MAPK10: variants seen among roughly 807,000 people sequenced by gnomAD.
The protein encoded by MAPK10 is JNK3 alpha protein kinase.
In MAPK10, 25 loss-of-function variants were observed where a neutral mutation model predicts 59.3. The observed-to-expected ratio is 0.42, with a 90% CI of 0.31 to 0.59. The LOEUF is 0.59. Ranked by LOEUF, MAPK10 falls within the 20% of genes least tolerant of loss-of-function variation. The probability of loss-of-function intolerance (pLI) is 0.15; values close to 1 mark genes in which losing one functional copy is unlikely to be tolerated. For missense variants in MAPK10, 351 were observed against 568.9 expected (o/e 0.62, Z 3.90); for synonymous variants, 190 against 200.5 (o/e 0.95, Z 0.44).
At chr4:86,461,818 C>T (rs1579301192) in intron 1 of MAPK10, among the ~76,000 whole-genome samples, 1 of 152,262 alleles carries the variant, frequency 6.6e-6, no homozygotes, top group African/African-American at 2.4e-5. Flanking sequence ...GTAGTTGCCC[C>T]AGTAACTGTT....
chr4:86,161,222 T>A (rs1363251203), intron 3 of MAPK10, among the ~76,000 whole-genome samples: 2 of 152,054 alleles, frequency 1.3e-5, no homozygotes, highest in East Asian at 3.8e-4. Context: ...AATTAAGTGA[T>A]CTGCAAATGC....
At chr4:86,233,059 TGAA>T (rs2091807251) in intron 2 of MAPK10, among the ~76,000 whole-genome samples, 1 of 152,184 alleles carries the variant, frequency 6.6e-6, no homozygotes, top group Admixed American at 6.5e-5. Flanking sequence ...ATAAAATATA[TGAA>T]GCAGTGACTA....
intron 1 of MAPK10, among the ~76,000 whole-genome samples, chr4:86,513,356 C>T (rs1756424382): frequency 6.6e-6 from 1 of 152,126 alleles, no homozygotes; most frequent in Admixed American, 6.5e-5. Flanking sequence ...GCAAGGAGAT[C>T]CTTTAGTCCA....
At chr4:86,067,161 C>G (rs1426416807) in intron 10 of MAPK10, among the ~76,000 whole-genome samples, 3 of 152,064 alleles carry the variant, frequency 2.0e-5, no homozygotes, top group African/African-American at 7.2e-5. Context: ...TTTTTTGAGA[C>G]GGAGTCTTGC....
Position 86,390,193 on chromosome 4 carries a change from T to C in MAPK10, c.-121-35549A>G, listed in dbSNP as rs574812733. Among the ~76,000 whole-genome samples the C allele has an allele frequency of 5.3e-5, 8 of 152,354 alleles. No homozygotes were observed. The East Asian group carries it at 1.2e-3, about 22-fold the overall frequency. On this transcript the variant is annotated intron_variant, in intron 1 of 13. Transcript: ENST00000361569. ...CTTATTTCACAGTTTAGGTATTATATTGATTCTTTAAAATCATATATGCAG... is the reference window on the plus strand; with the variant it reads ...CTTATTTCACAGTTTAGGTATTATACTGATTCTTTAAAATCATATATGCAG...
rs540734498 is a variant in MAPK10, at chr4:86,554,320, A to G, written c.-263+39590T>C. Among the ~76,000 whole-genome samples the G allele has an allele frequency of 3.5e-4, 53 of 152,292 alleles. 1 individual carries two copies. Among genetic ancestry groups the G allele is most frequent in the African/African-American group, 1.2e-3 (51 of 41,570 alleles). On this transcript the variant is annotated intron_variant, in intron 1 of 4. Transcript: ENST00000502302. ...TTATAGTTCCCAAGACTGTATCTCCAATTCTAACCTATCTTCAAGTTCCAG... is the reference window on the plus strand; with the variant it reads ...TTATAGTTCCCAAGACTGTATCTCCGATTCTAACCTATCTTCAAGTTCCAG...
In MAPK10 at chr4:86,067,774, T is replaced by C; in HGVS notation, c.984A>G (p.Lys328=). ...FPADSEHNKL[K]ASQARDLLSK... ...TCAAGTCATTCCTGAAGGGCATACC[T>C]TTGAGTTTATTGTGCTCGGAGTCCG... The change falls in exon 10 of 14, where the codon AAA becomes AAG. Residue 328 remains lysine (K), a splice_region_variant and synonymous_variant. Transcript: ENST00000641462. 1 of 1,608,878 alleles carries C rather than the reference T, an allele frequency of 6.2e-7. No individual in the cohort carries two copies. The highest frequency in any genetic ancestry group is 1.7e-5 in the Admixed American group (1 of 59,564).
intron 2 of MAPK10, among the ~76,000 whole-genome samples, chr4:86,264,570 G>T (rs917693754): frequency 7.9e-5 from 12 of 152,190 alleles, no homozygotes; most frequent in African/African-American, 2.9e-4. Context: ...CCACAATGAA[G>T]TCTGAAGCTC....
chr4:86,522,300 A>T (rs1189337553), intron 1 of MAPK10, among the ~76,000 whole-genome samples: 1 of 152,230 alleles, frequency 6.6e-6, no homozygotes, highest in Non-Finnish European at 1.5e-5. Flanking sequence ...CAGAAAGCCC[A>T]GACATGTAAA....
rs143720396 is a variant in MAPK10 at position 86,107,347 on chromosome 4, G to A, written c.242C>T (p.Ala81Val). The change falls in exon 5 of 14, where the codon GCG becomes GTG. Residue 81 changes from alanine (A) to valine (V), a missense_variant. Physicochemically the swap from Ala to Val is moderately conservative, Grantham distance 64. Transcript: ENST00000641462. The stretch of plus-strand genomic sequence containing the variant: ...ATTTCTGTCAAGGACAGCATCATAC[G>A]CGGCACTGTAGAGATCCAAGAGCAA... ...GSGAQGIVCA[A>V]YDAVLDRNVA... 7.4e-6 allele frequency: 12 copies of A among 1,612,358 alleles called. No individual in the cohort carries two copies. The highest frequency in any genetic ancestry group is 6.7e-5 in the African/African-American group (5 of 74,790).
chr4:86,470,652 T>G (rs1023512996), intron 1 of MAPK10, among the ~76,000 whole-genome samples: 1 of 152,190 alleles, frequency 6.6e-6, no homozygotes, highest in African/African-American at 2.4e-5. Flanking sequence ...GTTTTTTCAT[T>G]CTATATCTTG....
At chr4:86,473,862 G>A (rs1752854861) in intron 1 of MAPK10, among the ~76,000 whole-genome samples, 1 of 152,152 alleles carries the variant, frequency 6.6e-6, no homozygotes, top group South Asian at 2.1e-4. Context: ...CCAGGCATGA[G>A]AGTCTAGCTG....
chr4:86,427,791 A>C (rs1747500567), intron 1 of MAPK10, among the ~76,000 whole-genome samples: 1 of 152,220 alleles, frequency 6.6e-6, no homozygotes, highest in African/African-American at 2.4e-5. Context: ...GTGACCTAAA[A>C]TACAAAATGT....
chr4:86,541,910 T>C (rs896392655), intron 1 of MAPK10, among the ~76,000 whole-genome samples: 1 of 150,952 alleles, frequency 6.6e-6, no homozygotes, highest in African/African-American at 2.4e-5. Context: ...ATACAAAATA[T>C]ATAATCCCAA....
chr4:86,223,883 T>G (rs2090125838), intron 2 of MAPK10, among the ~76,000 whole-genome samples: 1 of 152,156 alleles, frequency 6.6e-6, no homozygotes, highest in South Asian at 2.1e-4. Context: ...CATGCCCTGC[T>G]CTCCCCAGAA....
At chr4:86,451,528 T>C (rs149738918) in intron 1 of MAPK10, among the ~76,000 whole-genome samples, 236 of 152,306 alleles carry the variant, frequency 1.5e-3, no homozygotes, top group African/African-American at 5.6e-3. Context: ...AACCAGACCC[T>C]GAGGCAAGGA....
chr4:86,492,491 A>G (rs1209235645), intron 1 of MAPK10, among the ~76,000 whole-genome samples: 1 of 151,996 alleles, frequency 6.6e-6, no homozygotes, highest in Admixed American at 6.6e-5. Flanking sequence ...TTGGAGCTAG[A>G]CTCCGTGAGT....
intron 2 of MAPK10, among the ~76,000 whole-genome samples, chr4:86,278,004 A>C (rs1297453155): frequency 2.0e-5 from 3 of 152,102 alleles, no homozygotes; most frequent in Non-Finnish European, 4.4e-5. Flanking sequence ...GTTTTTAAAT[A>C]TGTACCTCAG....
intron 1 of MAPK10, among the ~76,000 whole-genome samples, chr4:86,542,784 C>G (rs997553245): frequency 3.3e-5 from 5 of 152,140 alleles, no homozygotes; most frequent in African/African-American, 1.2e-4. Flanking sequence ...ACACTGCTTG[C>G]TTTGCTTTTG....
Sources: allele counts gnomAD v4.1 joint callset (sites outside exome capture counted in the v4.1 genomes callset), GRCh38; gene constraint gnomAD v4.1.1; transcripts MANE v1.5; gene names NCBI Gene and HGNC (gene_info 2026-07-23, HGNC 2026-07-21).